Variants in CARS1 observed in about 807,000 individuals in gnomAD.
The protein encoded by CARS1 is cysteine--tRNA ligase, cytoplasmic.
Under a neutral mutation model 106.2 loss-of-function variants are expected in CARS1, and 48 were observed. The ratio of observed to expected loss-of-function variants is 0.45; its 90% CI spans 0.36 to 0.57. The LOEUF is 0.57. Among genes scored for constraint, CARS1 ranks in the 20% least tolerant of loss-of-function variants. CARS1 has a pLI of 0.00. For missense variants in CARS1, 968 were observed against 1,057.2 expected (o/e 0.92, Z 1.17); for synonymous variants, 409 against 403.4 (o/e 1.01, Z -0.17).
chr11:3,039,137 G>T lies in CARS1; in HGVS notation c.651+57C>A. 5 of 1,086,104 alleles carry T rather than the reference G, an allele frequency of 4.6e-6. No individual in the cohort carries two copies. Among genetic ancestry groups the T allele is most frequent in the East Asian group, 2.4e-5 (1 of 42,336 alleles). 67.3% of individuals were successfully genotyped at this position (1,086,104 alleles called of 1,614,324 possible). On this transcript the variant is annotated intron_variant, in intron 6 of 22. Coordinates refer to ENST00000380525, the MANE Select transcript of CARS1 (RefSeq NM_001014437.3). This position sits in a 1 kb window ranked among gnomAD's most constrained non-coding sequence, Gnocchi z 5.6. ...TACCCTAGGGACAGTAGCCTACAAAGGACCGAGAACAGAAAGCAAAGGGCT... is the reference window on the plus strand; with the variant it reads ...TACCCTAGGGACAGTAGCCTACAAATGACCGAGAACAGAAAGCAAAGGGCT...
At chr11:3,047,260 G>C (rs1026735773) in intron 2 of CARS1, among the ~76,000 whole-genome samples, 3 of 135,844 alleles carry the variant, frequency 2.2e-5, no homozygotes, top group African/African-American at 8.5e-5. Flanking sequence ...CTGGGCGATA[G>C]AGCGAGACTC....
At chr11:3,035,454 G>A (rs1393173537) in intron 7 of CARS1, among the ~76,000 whole-genome samples, 2 of 152,190 alleles carry the variant, frequency 1.3e-5, no homozygotes, top group African/African-American at 2.4e-5. Flanking sequence ...CACCCAAAAT[G>A]TGGTAGAAGA....
chr11:3,017,920 G>A lies in CARS1; in HGVS notation c.1664C>T (p.Ala555Val), dbSNP rs1326411219. 3.1e-6 allele frequency: 5 copies of A among 1,613,694 alleles called. No homozygotes were observed. The highest frequency in any genetic ancestry group is 4.5e-5 in the East Asian group (2 of 44,886). The change falls in exon 15 of 23, where the codon GCT (alanine) becomes GTT (valine). Residue 555 changes from alanine (A) to valine (V), a missense_variant. By Grantham distance (64) the Ala-to-Val change is moderately conservative. Coordinates refer to ENST00000380525, the MANE Select transcript of CARS1 (RefSeq NM_001014437.3). This position sits in a 1 kb window ranked among gnomAD's most constrained non-coding sequence, Gnocchi z 4.9. ...FFLNVKDILR[A>V]PVDITGQFEK... ...AAACTGACCAGTGATGTCAACAGGA[G>A]CGCGAAGGATATCTTTCACATTTAA...
chr11:3,057,208 C>T, intron 1 of CARS1, 135 bp downstream of exon 1: 1 of 772,622 alleles, frequency 1.3e-6, no homozygotes. Flanking sequence ...CCCCTCAGAC[C>T]ACGGACACAG....
In CARS1 at chr11:3,020,256, C is replaced by A. The variant is rs1851451653; in HGVS notation, c.1230G>T (p.Lys410Asn). ...GGCACGGCCAGGACGGTTCTCCGGG[C>A]TTAGAGGCCTTCCATAAGGCAAAGT... ...PNDFALWKAS[K>N]PGEPSWPCPW... The change falls in exon 11 of 23, where the codon AAG becomes AAT. Residue 410 changes from lysine (K) to asparagine (N), a missense_variant. Lys to Asn is a moderately conservative substitution (Grantham distance 94, BLOSUM62 0). Coordinates refer to ENST00000380525, the MANE Select transcript of CARS1 (RefSeq NM_001014437.3). The surrounding 1 kb of genome is among the most constrained non-coding windows in gnomAD (Gnocchi z 4.6). 5 of 1,613,564 alleles carry A rather than the reference C, an allele frequency of 3.1e-6. No homozygotes were observed. The highest frequency in any genetic ancestry group is 1.7e-5 in the Admixed American group (1 of 60,010).
At chr11:3,033,929 T>C (rs1471701689) in intron 7 of CARS1, among the ~76,000 whole-genome samples, 1 of 152,208 alleles carries the variant, frequency 6.6e-6, no homozygotes, top group South Asian at 2.1e-4. Flanking sequence ...GCAATTTTTA[T>C]AAATTTTTTA....
Position 3,048,916 on chromosome 11 carries a change from A to C in CARS1, c.26-915T>G, listed in dbSNP as rs1185919592. On this transcript the variant is annotated intron_variant, in intron 1 of 22. Coordinates refer to ENST00000380525, the MANE Select transcript of CARS1 (RefSeq NM_001014437.3). The surrounding 1 kb of genome is among the most constrained non-coding windows in gnomAD (Gnocchi z 5.1). ...CTCCACCACTCAGGTGTGTCACTCAAGGACCCAAGAGCCACTGTTCCGCAT... is the reference window on the plus strand; with the variant it reads ...CTCCACCACTCAGGTGTGTCACTCACGGACCCAAGAGCCACTGTTCCGCAT... 1.3e-5 allele frequency among the ~76,000 whole-genome samples: 2 copies of C among 152,188 alleles called. No homozygotes were observed. The highest frequency in any genetic ancestry group is 2.4e-5 in the African/African-American group (1 of 41,450).
Position 3,048,431 on chromosome 11 carries a change from T to A in CARS1, c.26-430A>T, listed in dbSNP as rs1385121987. 1 of 160,780 alleles carries A rather than the reference T, an allele frequency of 6.2e-6. No individual in the cohort carries two copies. Among genetic ancestry groups the A allele is most frequent in the Non-Finnish European group, 1.4e-5 (1 of 72,898 alleles). The allele number at this position is 160,780 out of a possible 1,614,324, so 10.0% of individuals were successfully genotyped here. A position where few individuals can be genotyped will look rare whatever the true frequency, so the allele number is the denominator to read the frequency against. ...CAGTTTCTGACATTTGGGGAAATCATAGGGGTCAGCACATCTGGAGTATAA... is the reference window on the plus strand; with the variant it reads ...CAGTTTCTGACATTTGGGGAAATCAAAGGGGTCAGCACATCTGGAGTATAA... On this transcript the variant is annotated intron_variant, in intron 1 of 22. Transcript: ENST00000380525. This position sits in a 1 kb window ranked among gnomAD's most constrained non-coding sequence, Gnocchi z 5.1.
chr11:3,015,940 AGGGGGTG>A, intron 16 of CARS1, 91 bp from the exon 17 acceptor site: 2 of 1,097,054 alleles, frequency 1.8e-6, no homozygotes, highest in African/African-American at 3.1e-5. Flanking sequence ...CGTTCACGGG[AGGGGGTG>A]CCCCAAGACC....
rs541422489 is a variant in CARS1, at chr11:3,019,867, A to G, written c.1266+353T>C. Among the ~76,000 whole-genome samples, 4 of 152,314 alleles carry G rather than the reference A, an allele frequency of 2.6e-5. No homozygotes were observed. In the East Asian group the frequency reaches 5.8e-4, roughly 22 times the overall value. On this transcript the variant is annotated intron_variant, in intron 11 of 22. Coordinates refer to ENST00000380525, the MANE Select transcript of CARS1 (RefSeq NM_001014437.3). This position sits in a 1 kb window ranked among gnomAD's most constrained non-coding sequence, Gnocchi z 6.2. ...CCCTTCCTAGGGTACCCTGCAGTCAACAACTCCTGTCACCGGGAAGATCAG... is the reference window on the plus strand; with the variant it reads ...CCCTTCCTAGGGTACCCTGCAGTCAGCAACTCCTGTCACCGGGAAGATCAG...
In CARS1 at chr11:3,004,834, G is replaced by A. The variant is rs1849704670; in HGVS notation, c.2217+532C>T. On this transcript the variant is annotated intron_variant, in intron 20 of 22. Coordinates refer to ENST00000380525, the MANE Select transcript of CARS1 (RefSeq NM_001014437.3). This position sits in a 1 kb window ranked among gnomAD's most constrained non-coding sequence, Gnocchi z 5.2. The stretch of plus-strand genomic sequence containing the variant: ...TTAACATGTCAGCTTCGGGCCAGGC[G>A]TGGTGGCTCAAGCCTGTAATCCCAG... Among the ~76,000 whole-genome samples, 3 of 152,238 alleles carry A rather than the reference G, an allele frequency of 2.0e-5. No individual in the cohort carries two copies. Among genetic ancestry groups the A allele is most frequent in the Middle Eastern group, 3.4e-3 (1 of 294 alleles).
intron 18 of CARS1, 122 bp from the exon 19 acceptor site, chr11:3,007,081 C>T: frequency 1.2e-6 from 1 of 822,548 alleles, no homozygotes; most frequent in Non-Finnish European, 2.0e-6. Context: ...TCCTCCAGTG[C>T]TCAGGAGGGA....
Position 3,041,758 on chromosome 11 carries a change from C to G in CARS1, c.366+407G>C, listed in dbSNP as rs911248138. 6.6e-6 allele frequency among the ~76,000 whole-genome samples: 1 copy of G among 152,192 alleles called. No individual in the cohort carries two copies. The highest frequency in any genetic ancestry group is 1.5e-5 in the Non-Finnish European group (1 of 68,042). ...TTCTTCTCAAAACCTGCTGTGCTCCCAACAACATCCAGCCAGTTTGCCGTT... is the reference window on the plus strand; with the variant it reads ...TTCTTCTCAAAACCTGCTGTGCTCCGAACAACATCCAGCCAGTTTGCCGTT... On this transcript the variant is annotated intron_variant, in intron 3 of 22. Transcript: ENST00000380525. The surrounding 1 kb of genome is among the most constrained non-coding windows in gnomAD (Gnocchi z 4.9).
Position 3,018,673 on chromosome 11 carries a change from G to A in CARS1, c.1472C>T (p.Ser491Leu). The A allele has an allele frequency of 6.2e-7, 1 of 1,614,186 alleles. No homozygotes were observed. Among genetic ancestry groups the A allele is most frequent in the Non-Finnish European group, 8.5e-7 (1 of 1,180,030 alleles). ...GGTGATGAAGTTTTTTAGTGACTTT[G>A]ACATTTTGCAGCCTGCAATGGTCAG... is the stretch of plus-strand genomic sequence containing the variant. ...GHLTIAGCKM[S>L]KSLKNFITIK... The change falls in exon 13 of 23, where the codon TCA (serine) becomes TTA (leucine). Residue 491 changes from serine (S) to leucine (L), a missense_variant. Ser to Leu is a moderately radical substitution (Grantham distance 145, BLOSUM62 -2). Coordinates refer to ENST00000380525, the MANE Select transcript of CARS1 (RefSeq NM_001014437.3).
rs1373296250 is a variant in CARS1, at chr11:3,022,309, A to G, written c.1154-1977T>C. On this transcript the variant is annotated intron_variant, in intron 10 of 22. Transcript: ENST00000380525. This position sits in a 1 kb window ranked among gnomAD's most constrained non-coding sequence, Gnocchi z 4.9. ...GCCAACTGGTCTGAAGACCTGCACC[A>G]AGGAACTGACTCGTCGCAGAAATGT... Among the ~76,000 whole-genome samples, 2 of 152,176 alleles carry G rather than the reference A, an allele frequency of 1.3e-5. No homozygotes were observed. The highest frequency in any genetic ancestry group is 4.8e-5 in the African/African-American group (2 of 41,432).
At chr11:3,042,082 T>C in intron 3 of CARS1, 83 bp downstream of exon 3, 2 of 969,254 alleles carry the variant, frequency 2.1e-6, no homozygotes, top group Non-Finnish European at 3.2e-6. Flanking sequence ...CAGAGAAGTC[T>C]GTTGTGCGAC....
rs183285226 is a variant in CARS1, at chr11:3,029,653, T to G, written c.802-210A>C. On this transcript the variant is annotated intron_variant, in intron 7 of 22. Coordinates refer to ENST00000380525, the MANE Select transcript of CARS1 (RefSeq NM_001014437.3). The surrounding 1 kb of genome is among the most constrained non-coding windows in gnomAD (Gnocchi z 5.9). ...ACTCTACAAATGGGCAGGTCTCACA[T>G]GAACTCAGAGGAGCAAAGCCAAGGG... 1,216 of 568,296 alleles carry G rather than the reference T, an allele frequency of 2.1e-3. 8 individuals are homozygous for G. Among genetic ancestry groups the G allele is most frequent in the Non-Finnish European group, 2.6e-3 (839 of 324,686 alleles). 35.2% of individuals were successfully genotyped at this position (568,296 alleles called of 1,614,324 possible).
chr11:3,032,060 C>CTCCCTCCCTCCCTCCCTCCCTCCT (rs1565075168), intron 7 of CARS1, among the ~76,000 whole-genome samples: 1 of 20,046 alleles, frequency 5.0e-5, no homozygotes, highest in Admixed American at 7.5e-4. Context: ...CCCTCCCTCC[C>CTCCCTCCCTCCCTCCCTCCCTCCT]TCCTTCCTTC....
At chr11:3,031,992 T>TTCCTTCCTTCCC (rs1852835897) in intron 7 of CARS1, among the ~76,000 whole-genome samples, 1 of 9,744 alleles carries the variant, frequency 1.0e-4, no homozygotes, top group African/African-American at 4.8e-4. Flanking sequence ...TTCTCCTTCC[T>TTCCTTCCTTCCC]TCCTTCCCTC....
Sources: allele counts gnomAD v4.1 joint callset (sites outside exome capture counted in the v4.1 genomes callset), GRCh38; gene constraint gnomAD v4.1.1; non-coding constraint Gnocchi (gnomAD v3.1); transcripts MANE v1.5; gene names NCBI Gene and HGNC (gene_info 2026-07-23, HGNC 2026-07-21).